SHC3: variants seen among roughly 807,000 people sequenced by gnomAD.
SHC3 encodes SHC adaptor protein 3.
SHC3 carries 15 observed loss-of-function variants against 60.4 expected under a neutral mutation model. The ratio of observed to expected loss-of-function variants is 0.25; its 90% CI spans 0.17 to 0.38. The LOEUF is 0.38. Among genes scored for constraint, SHC3 ranks in the 10% least tolerant of loss-of-function variants. The pLI, the probability that SHC3 is intolerant of heterozygous loss-of-function variation, is 1.00. For missense variants in SHC3, 677 were observed against 786.1 expected, an observed-to-expected ratio of 0.86 and a Z score of 1.66; for synonymous variants, 294 against 325.9, an observed-to-expected ratio of 0.90 and a Z score of 1.05.
chr9:89,103,628 G>T (rs139639240), intron 2 of SHC3, among the ~76,000 whole-genome samples: 2 of 152,304 alleles, frequency 1.3e-5, no homozygotes, highest in African/African-American at 4.8e-5. Flanking sequence ...AATACGGAGA[G>T]CATAAAATAA....
chr9:89,071,103 C>A, intron 5 of SHC3, 96 bp downstream of exon 5: 2 of 1,178,650 alleles, frequency 1.7e-6, no homozygotes, highest in Non-Finnish European at 2.4e-6. Context: ...CACAATTAAC[C>A]TTTTTTACAG....
chr9:89,049,548 C>T (rs1018779610), intron 7 of SHC3, among the ~76,000 whole-genome samples: 2 of 152,138 alleles, frequency 1.3e-5, no homozygotes, highest in African/African-American at 4.8e-5. Flanking sequence ...CAAAGGCTAG[C>T]ATAATAATTA....
chr9:89,155,714 C>T (rs911561626), intron 1 of SHC3, among the ~76,000 whole-genome samples: 1 of 152,174 alleles, frequency 6.6e-6, no homozygotes, highest in Non-Finnish European at 1.5e-5. Flanking sequence ...CACCTGGTCA[C>T]ATTCACAAGG....
At chr9:89,013,636 T>C in intron 11 of SHC3, 61 bp from the exon 12 acceptor site, 1 of 1,561,544 alleles carries the variant, frequency 6.4e-7, no homozygotes, top group Non-Finnish European at 8.7e-7. Context: ...GAGAAAATGG[T>C]TTGCTCAGAA....
chr9:89,081,615 C>T (rs950385933), intron 2 of SHC3, among the ~76,000 whole-genome samples: 1 of 152,104 alleles, frequency 6.6e-6, no homozygotes, highest in African/African-American at 2.4e-5. Context: ...ATATCCCACC[C>T]CCCTAGTCCT....
intron 1 of SHC3, among the ~76,000 whole-genome samples, chr9:89,134,680 C>A (rs1046246890): frequency 7.9e-5 from 12 of 152,078 alleles, no homozygotes; most frequent in Admixed American, 7.2e-4. Flanking sequence ...TTTTGATCCT[C>A]TTCAAAAGGT....
chr9:89,153,617 G>A (rs1826577639), intron 1 of SHC3, among the ~76,000 whole-genome samples: 1 of 152,226 alleles, frequency 6.6e-6, no homozygotes, highest in African/African-American at 2.4e-5. Flanking sequence ...AGTCACTCCA[G>A]CTTTCACCCC....
chr9:89,140,161 A>G (rs1040961299), intron 1 of SHC3, among the ~76,000 whole-genome samples: 1 of 152,190 alleles, frequency 6.6e-6, no homozygotes, highest in African/African-American at 2.4e-5. Flanking sequence ...CTTCTTTTTT[A>G]TATCACAAAC....
chr9:89,167,887 C>T (rs1056551252), intron 1 of SHC3, among the ~76,000 whole-genome samples: 3 of 152,202 alleles, frequency 2.0e-5, no homozygotes. Context: ...GGCTGTGACT[C>T]AAAAGCATCA....
At chr9:89,173,300 G>A (rs962374336) in intron 1 of SHC3, among the ~76,000 whole-genome samples, 4 of 152,270 alleles carry the variant, frequency 2.6e-5, no homozygotes, top group Non-Finnish European at 5.9e-5. Context: ...ACATCCTGCA[G>A]GGCCAGCCTG....
rs764918534 is a variant in SHC3, at chr9:89,168,637, AGT to A, written c.474+9348_474+9349del. ...TGGCCACTCTAGAAAATACTTCTAG[AGT>A]TTATGTATATTTTGGGGGTGAACTG... On this transcript the variant is annotated intron_variant, in intron 1 of 11. Transcript: ENST00000375835. Among the ~76,000 whole-genome samples, 4 of 152,272 alleles carry A rather than the reference AGT, an allele frequency of 2.6e-5. No individual in the cohort carries two copies. In the South Asian group the frequency reaches 8.3e-4, roughly 32 times the overall value.
At chr9:89,031,691 T>C (rs1824495257) in intron 11 of SHC3, among the ~76,000 whole-genome samples, 1 of 152,244 alleles carries the variant, frequency 6.6e-6, no homozygotes, top group South Asian at 2.1e-4. Flanking sequence ...ATAATGCTAC[T>C]ATAACTATGT....
At position 89,030,828 on chromosome 9, in the gene SHC3, A is replaced by G. The variant is rs114493954; in HGVS notation, c.1656+7165T>C. Among the ~76,000 whole-genome samples the G allele has an allele frequency of 6.7e-3, 1,018 of 152,214 alleles. 17 individuals carry two copies. The highest frequency in any genetic ancestry group is 0.024 in the African/African-American group (982 of 41,524). On this transcript the variant is annotated intron_variant, in intron 11 of 11. Coordinates refer to ENST00000375835, the MANE Select transcript of SHC3 (RefSeq NM_016848.6). ...ACCAGTGATTTGTTTGAAAAACAAG[A>G]TATTTGTCTGTGGAATACCCCACCT...
intron 6 of SHC3, among the ~76,000 whole-genome samples, chr9:89,055,489 A>AT (rs777791673): frequency 6.6e-6 from 1 of 152,214 alleles, no homozygotes; most frequent in Non-Finnish European, 1.5e-5. Flanking sequence ...TTGCTTACTC[A>AT]TTTCTGGGCA....
At chr9:89,065,354 C>T (rs1474029425) in intron 6 of SHC3, among the ~76,000 whole-genome samples, 175 bp downstream of exon 6, 1 of 152,086 alleles carries the variant, frequency 6.6e-6, no homozygotes, top group Non-Finnish European at 1.5e-5. Context: ...AGGTCCGGTA[C>T]CTCCTAACTC....
chr9:89,089,203 CTCTT>C (rs1825581509), intron 2 of SHC3, among the ~76,000 whole-genome samples: 1 of 152,164 alleles, frequency 6.6e-6, no homozygotes, highest in African/African-American at 2.4e-5. Context: ...TATCTCTGAC[CTCTT>C]TCTATCAATA....
chr9:89,078,627 A>G (rs375424432), intron 2 of SHC3, among the ~76,000 whole-genome samples: 10 of 152,236 alleles, frequency 6.6e-5, no homozygotes, highest in African/African-American at 2.4e-4. Context: ...AGGACCCCAG[A>G]GGGTGAGGAA....
At chr9:89,079,784 T>C (rs1412074005) in intron 2 of SHC3, among the ~76,000 whole-genome samples, 1 of 152,232 alleles carries the variant, frequency 6.6e-6, no homozygotes, top group East Asian at 1.9e-4. Flanking sequence ...CATTCGCAGA[T>C]AGAAGAAGTT....
At chr9:89,154,724 G>A (rs1418417214) in intron 1 of SHC3, among the ~76,000 whole-genome samples, 2 of 152,174 alleles carry the variant, frequency 1.3e-5, no homozygotes, top group South Asian at 2.1e-4. Context: ...AGCTGGTGGC[G>A]TGTGTCATCA....
Sources: gnomAD v4.1 joint callset for allele counts (sites outside exome capture counted in the v4.1 genomes callset) on GRCh38, gnomAD v4.1.1 for gene constraint, MANE v1.5 for transcripts, NCBI Gene and HGNC (gene_info 2026-07-23, HGNC 2026-07-21) for gene names.